ADCY5: variants seen among roughly 807,000 people sequenced by gnomAD.
ADCY5 encodes the protein adenylate cyclase 5.
Under a neutral mutation model 119.7 loss-of-function variants are expected in ADCY5, and 30 were observed. That is an observed-to-expected ratio of 0.25 (90% CI 0.19 to 0.34). ADCY5 has a LOEUF of 0.34. ADCY5 is among the 10% of genes least tolerant of loss of function. The pLI is 1.00. For missense variants in ADCY5, 1,324 were observed against 1,775.2 expected, an observed-to-expected ratio of 0.75 and a Z score of 4.57; for synonymous variants, 753 against 762.2, an observed-to-expected ratio of 0.99 and a Z score of 0.20.
At chr3:123,437,375 G>A (rs1945637336) in intron 1 of ADCY5, among the ~76,000 whole-genome samples, 1 of 152,144 alleles carries the variant, frequency 6.6e-6, no homozygotes, top group East Asian at 1.9e-4. Flanking sequence ...CTCTCCCTCA[G>A]GTTCCAGGTT....
chr3:123,289,557 G>A (rs140582428), intron 19 of ADCY5, among the ~76,000 whole-genome samples, 193 bp downstream of exon 19: 10 of 152,234 alleles, frequency 6.6e-5, no homozygotes, highest in Non-Finnish European at 1.2e-4. Context: ...GGCTCTGGGC[G>A]GATTCCGCTG....
At chr3:123,362,908 C>G (rs1010944373) in intron 1 of ADCY5, among the ~76,000 whole-genome samples, 3 of 151,866 alleles carry the variant, frequency 2.0e-5, no homozygotes, top group Admixed American at 2.0e-4. Flanking sequence ...CTTTGGGAGG[C>G]TGAGGTGGGT....
chr3:123,333,661 C>T (rs1941889321), intron 3 of ADCY5, among the ~76,000 whole-genome samples: 1 of 152,254 alleles, frequency 6.6e-6, no homozygotes, highest in South Asian at 2.1e-4. Context: ...GACAGGGGGC[C>T]AGGCCCCAAC....
At chr3:123,285,450 G>A (rs999835154) in intron 20 of ADCY5, among the ~76,000 whole-genome samples, 4 of 152,156 alleles carry the variant, frequency 2.6e-5, no homozygotes, top group African/African-American at 7.2e-5. Context: ...GGGGACAGAT[G>A]TGGGGAGGGG....
intron 1 of ADCY5, among the ~76,000 whole-genome samples, chr3:123,359,247 T>C (rs1206888517): frequency 6.7e-6 from 1 of 149,252 alleles, no homozygotes; most frequent in Non-Finnish European, 1.5e-5. Flanking sequence ...GGATGTTCAG[T>C]TAAATTTGAA....
intron 1 of ADCY5, among the ~76,000 whole-genome samples, chr3:123,378,402 G>T (rs1943917652): frequency 6.6e-6 from 1 of 151,962 alleles, no homozygotes; most frequent in Non-Finnish European, 1.5e-5. Context: ...AGAAAGAAAA[G>T]ACTTCCCACC....
At chr3:123,349,972 C>T (rs1305990520) in intron 2 of ADCY5, among the ~76,000 whole-genome samples, 1 of 152,210 alleles carries the variant, frequency 6.6e-6, no homozygotes, top group East Asian at 1.9e-4. Flanking sequence ...TGGAGGTTTC[C>T]GTGACCTGAC....
chr3:123,447,471 C>T lies in ADCY5; in HGVS notation c.1075G>A (p.Ala359Thr), dbSNP rs910201925. 2 of 1,610,068 alleles carry T rather than the reference C, an allele frequency of 1.2e-6. No homozygotes were observed. The highest frequency in any genetic ancestry group is 1.1e-5 in the South Asian group (1 of 90,534). ...AAVLSGVLLS[A>T]LHLAIALRTN... is the part of the protein sequence containing the mutation. ...CGCAGGGCGATGGCCAGGTGGAGGG[C>T]GGACAGGAGCACCCCGCTGAGCACT... Residue 359 changes from alanine to threonine, a missense_variant, in exon 1 of 21, where the codon GCC becomes ACC. By Grantham distance (58) the Ala-to-Thr change is moderately conservative. Coordinates refer to ENST00000462833, the MANE Select transcript of ADCY5 (RefSeq NM_183357.3).
chr3:123,313,534 C>G (rs893297954), intron 12 of ADCY5, among the ~76,000 whole-genome samples: 1 of 152,138 alleles, frequency 6.6e-6, no homozygotes, highest in Non-Finnish European at 1.5e-5. Flanking sequence ...TCTGAAACCA[C>G]TAGTGAAGAA....
intron 1 of ADCY5, among the ~76,000 whole-genome samples, chr3:123,385,156 A>C (rs1002940197): frequency 1.3e-5 from 2 of 152,180 alleles, no homozygotes; most frequent in African/African-American, 4.8e-5. Flanking sequence ...GCAGAAGCAC[A>C]GCTCTGGATG....
chr3:123,356,388 A>G (rs886971042), intron 1 of ADCY5, among the ~76,000 whole-genome samples: 3 of 152,246 alleles, frequency 2.0e-5, no homozygotes, highest in African/African-American at 7.2e-5. Flanking sequence ...AAATATTTGC[A>G]AATCATATTT....
At position 123,448,372 on chromosome 3, in the gene ADCY5, C is replaced by T; in HGVS notation, c.174G>A (p.Gly58=). ...GCTGCTGCTGCGGGGTCACCGCCCC[C>T]CCGGGTTTCTTGGTGGAGCCGCGGG... The part of the protein sequence containing the change: ...GSARGSTKKP[G]GAVTPQQQQR... The change falls in exon 1 of 21, where the codon GGG becomes GGA. Residue 58 remains glycine (G), a synonymous_variant. Transcript: ENST00000462833. 2 of 1,485,682 alleles carry T rather than the reference C, an allele frequency of 1.3e-6. No individual in the cohort carries two copies. The highest frequency in any genetic ancestry group is 1.5e-5 in the African/African-American group (1 of 67,944). 92.0% of individuals were successfully genotyped at this position (1,485,682 alleles called of 1,614,324 possible).
chr3:123,325,319 C>A lies in ADCY5; in HGVS notation c.2088+3G>T. On this transcript the variant is annotated splice_donor_region_variant and intron_variant, in intron 8 of 20. Transcript: ENST00000462833. ...CCCACAGGCTGCCCCACCAGCCACT[C>A]ACCATCCGCTTCATCTCCTTGGACA... The A allele has an allele frequency of 6.2e-7, 1 of 1,613,990 alleles. No individual in the cohort carries two copies. The highest frequency in any genetic ancestry group is 1.1e-5 in the South Asian group (1 of 91,044).
intron 20 of ADCY5, 127 bp from the exon 21 acceptor site, chr3:123,284,863 G>T: frequency 7.6e-7 from 1 of 1,308,888 alleles, no homozygotes; most frequent in Non-Finnish European, 1.1e-6. Flanking sequence ...AGGGGCAGCT[G>T]CCCCACTGAG....
chr3:123,419,599 C>T (rs1423781285), intron 1 of ADCY5, among the ~76,000 whole-genome samples: 3 of 152,184 alleles, frequency 2.0e-5, no homozygotes, highest in African/African-American at 7.2e-5. Context: ...GTGTCACATT[C>T]CAGCCTCAAC....
chr3:123,293,686 A>G (rs751947969), intron 17 of ADCY5, among the ~76,000 whole-genome samples: 20 of 152,196 alleles, frequency 1.3e-4, no homozygotes, highest in Non-Finnish European at 2.2e-4. Flanking sequence ...GGAACAGGGA[A>G]GGCTGGGAAG....
At chr3:123,293,503 A>G (rs80201824) in intron 17 of ADCY5, among the ~76,000 whole-genome samples, 5,363 of 152,000 alleles carry the variant, frequency 0.035, 293 homozygotes, top group African/African-American at 0.12. Flanking sequence ...GCAGGTAGAC[A>G]CAGGCTCACT....
In ADCY5 at chr3:123,284,614, G is replaced by A; in HGVS notation, c.3780C>T (p.Leu1260=). The A allele has an allele frequency of 1.9e-6, 3 of 1,614,260 alleles. No homozygotes were observed. The highest frequency in any genetic ancestry group is 2.2e-5 in the South Asian group (2 of 91,090). ...CACCATTGGCCAACAGCTGCTAACT[G>A]AGCGGGGGCCCTCCATTGAGGAAGT... ...MTYFLNGGPP[L]S The change falls in exon 21 of 21, where the codon CTC becomes CTT. Residue 1260 remains leucine (L), a synonymous_variant. Transcript: ENST00000462833.
chr3:123,411,862 G>A (rs1945057513), intron 1 of ADCY5, among the ~76,000 whole-genome samples: 2 of 152,140 alleles, frequency 1.3e-5, no homozygotes, highest in Non-Finnish European at 2.9e-5. Flanking sequence ...AGAGTCCCAG[G>A]TGGACTCACT....
Sources: allele counts gnomAD v4.1 joint callset (sites outside exome capture counted in the v4.1 genomes callset), GRCh38; gene constraint gnomAD v4.1.1; transcripts MANE v1.5; gene names NCBI Gene and HGNC (gene_info 2026-07-23, HGNC 2026-07-21).